The following CUL4A variants were observed in gnomAD, a reference collection of about 807,000 sequenced individuals.
CUL4A encodes cullin 4A.
Under a neutral mutation model 95.5 loss-of-function variants are expected in CUL4A, and 16 were observed. That is an observed-to-expected ratio of 0.17 (90% confidence interval 0.11 to 0.25). The LOEUF is 0.25. Among genes scored for constraint, CUL4A ranks in the 10% least tolerant of loss-of-function variants. The probability of loss-of-function intolerance (pLI) is 1.00; values close to 1 mark genes in which losing one functional copy is unlikely to be tolerated. For missense variants in CUL4A, 610 were observed against 937.0 expected, an observed-to-expected ratio of 0.65 and a Z score of 4.56; for synonymous variants, 380 against 353.1, an observed-to-expected ratio of 1.08 and a Z score of -0.85.
intron 5 of CUL4A, among the ~76,000 whole-genome samples, chr13:113,230,784 T>A (rs1161630273): frequency 6.6e-6 from 1 of 151,982 alleles, no homozygotes; most frequent in East Asian, 1.9e-4. Context: ...TTATTATTAT[T>A]TTTAGAGACA....
At chr13:113,236,785 A>G in intron 8 of CUL4A, 38 bp from the exon 9 acceptor site, 1 of 1,429,008 alleles carries the variant, frequency 7.0e-7, no homozygotes, top group Non-Finnish European at 9.8e-7. Context: ...TCTTCTTTAA[A>G]CTTTACTTCT....
At chr13:113,253,244 A>G (rs756479798) in intron 16 of CUL4A, 49 bp downstream of exon 16, 6 of 1,038,314 alleles carry the variant, frequency 5.8e-6, no homozygotes, top group African/African-American at 5.0e-5. Context: ...ATATGTTAAT[A>G]TAATTTTTTT....
At position 113,243,024 on chromosome 13, in the gene CUL4A, C is replaced by T. The variant is rs2041762945; in HGVS notation, c.1092C>T (p.Asp364=). ...NPEKDKDMVQ[D]LLDFKDKVDH... is the part of the protein sequence containing the mutation. ...AGAAAGACAAAGACATGGTCCAAGA[C>T]CTGTTGGACTTCAAGGACAAGGTGG... The change falls in exon 11 of 20, where the codon GAC becomes GAT. Residue 364 remains aspartate, a synonymous_variant. Coordinates refer to ENST00000375440, the MANE Select transcript of CUL4A (RefSeq NM_001008895.4). 1 of 1,614,040 alleles carries T rather than the reference C, an allele frequency of 6.2e-7. No homozygotes were observed. Among genetic ancestry groups the T allele is most frequent in the Non-Finnish European group, 8.5e-7 (1 of 1,179,948 alleles).
chr13:113,253,815 A>G (rs2042053778), intron 16 of CUL4A, among the ~76,000 whole-genome samples: 1 of 152,238 alleles, frequency 6.6e-6, no homozygotes, highest in Non-Finnish European at 1.5e-5. Flanking sequence ...TGCACTGATC[A>G]ATGAAAGGCG....
In CUL4A at chr13:113,255,125, T is replaced by C; in HGVS notation, c.2031T>C (p.Thr677=). The change falls in exon 18 of 20, where the codon ACT becomes ACC. Residue 677 remains threonine (T), a splice_region_variant and synonymous_variant. Coordinates refer to ENST00000375440, the MANE Select transcript of CUL4A (RefSeq NM_001008895.4). ...TCAATCAAATTCAGATGAAGGAAAC[T>C]GTATGTATAAACTTTCTCTTTTTAC... ...IKINQIQMKE[T]VEEQVSTTER... 1 of 1,602,558 alleles carries C rather than the reference T, an allele frequency of 6.2e-7. No homozygotes were observed. Among genetic ancestry groups the C allele is most frequent in the Non-Finnish European group, 8.5e-7 (1 of 1,171,984 alleles).
Position 113,233,884 on chromosome 13 carries a change from G to T in CUL4A, c.676-13G>T, listed in dbSNP as rs377483741. Reference sequence around the variant, plus strand: ...TTTACTGAAATTGGTCAGTAACTCTGCTTGTTTCTTAGGTGTATAAAGATT... The same window carrying T: ...TTTACTGAAATTGGTCAGTAACTCTTCTTGTTTCTTAGGTGTATAAAGATT... On this transcript the variant is annotated splice_polypyrimidine_tract_variant and intron_variant, in intron 6 of 19. Transcript: ENST00000375440. 1 of 1,384,322 alleles carries T rather than the reference G, an allele frequency of 7.2e-7. No homozygotes were observed. Among genetic ancestry groups the T allele is most frequent in the Non-Finnish European group, 1.0e-6 (1 of 972,488 alleles). The allele number at this position is 1,384,322 out of a possible 1,614,324, so 85.8% of individuals were successfully genotyped here. A position where few individuals can be genotyped will look rare whatever the true frequency, so the allele number is the denominator to read the frequency against.
intron 7 of CUL4A, among the ~76,000 whole-genome samples, chr13:113,234,373 T>C (rs7338235): frequency 0.22 from 33,453 of 151,994 alleles, 4,107 homozygotes; most frequent in South Asian, 0.43. Context: ...CGAAAAAACA[T>C]GTAGTAGTAA....
At chr13:113,212,152 G>C (rs763213745) in intron 2 of CUL4A, among the ~76,000 whole-genome samples, 1 of 152,204 alleles carries the variant, frequency 6.6e-6, no homozygotes, top group African/African-American at 2.4e-5. Flanking sequence ...TATTGGGTTG[G>C]TTATTTTCTT....
In CUL4A at chr13:113,260,162, C is replaced by T. The variant is rs763981229; in HGVS notation, c.2032-445C>T. Among the ~76,000 whole-genome samples, 9 of 117,644 alleles carry T rather than the reference C, an allele frequency of 7.7e-5. No individual in the cohort carries two copies. The Admixed American group carries it at 1.0e-3, about 13-fold the overall frequency. 77.2% of individuals were successfully genotyped at this position (117,644 alleles called of 152,430 possible). A position where few individuals can be genotyped will look rare whatever the true frequency, so the allele number is the denominator to read the frequency against. ...GAGCTTGTAGTGAGCCGAGATCGCG[C>T]CACTGCACTCCAGCCTGGGTGACAG... On this transcript the variant is annotated intron_variant, in intron 18 of 19. Transcript: ENST00000375440.
At chr13:113,225,403 G>A (rs529547219) in intron 3 of CUL4A, among the ~76,000 whole-genome samples, 10 of 152,240 alleles carry the variant, frequency 6.6e-5, no homozygotes, top group African/African-American at 2.4e-4. Flanking sequence ...GTTTTTTTCT[G>A]TGGGAAATAA....
At chr13:113,232,041 ACCACTACCC>A (rs2041338475) in intron 5 of CUL4A, among the ~76,000 whole-genome samples, 1 of 140,896 alleles carries the variant, frequency 7.1e-6, no homozygotes, top group Admixed American at 7.0e-5. Flanking sequence ...TACTGCTGCC[ACCACTACCC>A]GCCCACCACC....
At chr13:113,255,652 G>A (rs1174886281) in intron 18 of CUL4A, among the ~76,000 whole-genome samples, 1 of 152,118 alleles carries the variant, frequency 6.6e-6, no homozygotes, top group Non-Finnish European at 1.5e-5. Context: ...TACAGTTGGA[G>A]TCATAGTGTA....
intron 9 of CUL4A, among the ~76,000 whole-genome samples, chr13:113,238,795 C>T (rs1478627150): frequency 6.6e-6 from 1 of 152,142 alleles, no homozygotes; most frequent in African/African-American, 2.4e-5. Context: ...GAATCTGAGA[C>T]TTTGTGAATT....
chr13:113,238,742 T>C (rs1342857775), intron 9 of CUL4A, among the ~76,000 whole-genome samples: 1 of 152,334 alleles, frequency 6.6e-6, no homozygotes, highest in East Asian at 1.9e-4. Flanking sequence ...GCGCACAGCT[T>C]TAAACCTCCT....
intron 18 of CUL4A, 21 bp from the exon 19 acceptor site, chr13:113,260,586 T>G (rs754904910): frequency 7.6e-6 from 12 of 1,582,610 alleles, no homozygotes; most frequent in Middle Eastern, 3.3e-4. Flanking sequence ...ACACTTAACT[T>G]TTTTTTTCTT....
chr13:113,208,947 G>A (rs953784881), upstream of CUL4A: 6 of 1,269,500 alleles, frequency 4.7e-6, no homozygotes, highest in Non-Finnish European at 6.0e-6. Flanking sequence ...GCCTTTCACT[G>A]CGCTGACCCT....
At chr13:113,213,232 T>G (rs1274030657) in intron 2 of CUL4A, among the ~76,000 whole-genome samples, 1 of 151,854 alleles carries the variant, frequency 6.6e-6, no homozygotes, top group Non-Finnish European at 1.5e-5. Context: ...TACAAAAAAT[T>G]TAAAAATTAG....
chr13:113,263,626 C>A lies in CUL4A; in HGVS notation c.*44C>A. 1 of 1,257,238 alleles carries A rather than the reference C, an allele frequency of 8.0e-7. No individual in the cohort carries two copies. The highest frequency in any genetic ancestry group is 1.1e-6 in the Non-Finnish European group (1 of 881,264). The allele number at this position is 1,257,238 out of a possible 1,614,324, so 77.9% of individuals were successfully genotyped here. On this transcript the variant is annotated 3_prime_UTR_variant, in exon 20 of 20. Transcript: ENST00000375440. Reference sequence around the variant, plus strand: ...CCCTTCATGAAACACTAGAATGTACCCTCAGAGCAGGAAGCACACCTGTGC... The same window carrying A: ...CCCTTCATGAAACACTAGAATGTACACTCAGAGCAGGAAGCACACCTGTGC...
intron 2 of CUL4A, among the ~76,000 whole-genome samples, chr13:113,210,616 G>T (rs779035302): frequency 1.8e-4 from 28 of 152,154 alleles, no homozygotes; most frequent in Non-Finnish European, 5.9e-5. Context: ...CAAAGTGATG[G>T]TGTTCCGTTT....
Sources: allele counts gnomAD v4.1 joint callset (sites outside exome capture counted in the v4.1 genomes callset), GRCh38; gene constraint gnomAD v4.1.1; transcripts MANE v1.5; gene names NCBI Gene and HGNC (gene_info 2026-07-23, HGNC 2026-07-21).